ATRNL1: variants seen among roughly 807,000 people sequenced by gnomAD.
The protein encoded by ATRNL1 is attractin-like protein 1.
A neutral mutation model predicts 182.7 loss-of-function variants in ATRNL1; 95 were observed. That is an observed-to-expected ratio of 0.52 (90% CI 0.44 to 0.62). The LOEUF (loss-of-function observed/expected upper bound fraction) is 0.62. ATRNL1 is among the 20% of genes least tolerant of loss of function. The probability of loss-of-function intolerance (pLI) is 0.00; values close to 1 mark genes in which losing one functional copy is unlikely to be tolerated. For missense variants in ATRNL1, 1,471 were observed against 1,679.5 expected (o/e 0.88, Z 2.17); for synonymous variants, 576 against 568.3 (o/e 1.01, Z -0.19).
intron 5 of ATRNL1, among the ~76,000 whole-genome samples, chr10:115,134,646 A>G (rs892749354): frequency 6.6e-6 from 1 of 152,224 alleles, no homozygotes; most frequent in Non-Finnish European, 1.5e-5. Flanking sequence ...AACTATTTCA[A>G]TCAATAGAAA....
At chr10:115,230,674 G>T (rs1348707972) in intron 9 of ATRNL1, among the ~76,000 whole-genome samples, 1 of 152,096 alleles carries the variant, frequency 6.6e-6, no homozygotes, top group Non-Finnish European at 1.5e-5. Context: ...TACAGGAGCG[G>T]TGTTGTAATT....
chr10:115,939,971 C>T (rs1338264715), intron 28 of ATRNL1, among the ~76,000 whole-genome samples: 5 of 152,148 alleles, frequency 3.3e-5, no homozygotes, highest in African/African-American at 1.2e-4. Flanking sequence ...GAAAAGATCG[C>T]AAACGACCTT....
At chr10:115,292,789 A>AT (rs1852981423) in intron 15 of ATRNL1, among the ~76,000 whole-genome samples, 2 of 152,130 alleles carry the variant, frequency 1.3e-5, no homozygotes. Context: ...ATATATGGTC[A>AT]TTCCTGGAGA....
chr10:115,484,857 T>G (rs1848944360), intron 24 of ATRNL1, among the ~76,000 whole-genome samples: 2 of 151,920 alleles, frequency 1.3e-5, no homozygotes, highest in Admixed American at 6.6e-5. Flanking sequence ...TGGGGGAGAC[T>G]AAGAAGAAAT....
intron 20 of ATRNL1, among the ~76,000 whole-genome samples, chr10:115,407,612 T>C (rs150309684): frequency 2.2e-3 from 335 of 152,338 alleles, no homozygotes; most frequent in Non-Finnish European, 3.7e-3. Flanking sequence ...ATATCCTACA[T>C]TTCCTTTATT....
At position 115,364,428 on chromosome 10, in the gene ATRNL1, A is replaced by G. The variant is rs1441579990; in HGVS notation, c.3175+30009A>G. 5.2e-4 allele frequency among the ~76,000 whole-genome samples: 76 copies of G among 147,164 alleles called. 1 individual carries two copies. The highest frequency in any genetic ancestry group is 1.6e-3 in the African/African-American group (62 of 39,092). ...CTTAAGGAGATTTTGGGCTGAGACA[A>G]TGGGGTTTTCTAGATATACAATCAT... On this transcript the variant is annotated intron_variant, in intron 19 of 28. Coordinates refer to ENST00000355044, the MANE Select transcript of ATRNL1 (RefSeq NM_207303.4).
intron 8 of ATRNL1, among the ~76,000 whole-genome samples, chr10:115,188,495 A>G (rs1189908742): frequency 6.6e-6 from 1 of 152,110 alleles, no homozygotes; most frequent in African/African-American, 2.4e-5. Flanking sequence ...TAGTTTAGCA[A>G]TACCTCATAA....
chr10:115,159,993 G>A (rs2143994915), intron 5 of ATRNL1, 47 bp from the exon 6 acceptor site: 1 of 1,383,460 alleles, frequency 7.2e-7, no homozygotes, highest in East Asian at 2.4e-5. Context: ...TCTATAATCT[G>A]AGGGCTTTGT....
chr10:115,119,948 G>A lies in ATRNL1; in HGVS notation c.294-237G>A, dbSNP rs566739985. On this transcript the variant is annotated intron_variant, in intron 1 of 28. Transcript: ENST00000355044. ...GTCTTTCAGTGTCTTTTTTCGCTTC[G>A]TAAATTGAAATGGTCATGATATATT... Among the ~76,000 whole-genome samples, 137 of 151,950 alleles carry A rather than the reference G, an allele frequency of 9.0e-4. No individual in the cohort carries two copies. Among genetic ancestry groups the A allele is most frequent in the Non-Finnish European group, 1.4e-3 (96 of 67,894 alleles).
At chr10:115,325,192 T>G (rs1282323753) in intron 18 of ATRNL1, among the ~76,000 whole-genome samples, 2 of 152,126 alleles carry the variant, frequency 1.3e-5, no homozygotes, top group Non-Finnish European at 2.9e-5. Context: ...CCATCTGGAG[T>G]GGTTTTAAAA....
rs2134241904 is a variant in ATRNL1 at position 115,804,263 on chromosome 10, TC to T, written c.3904-43610del. ...CTTGATTATCTATTTGACTAACATC[TC>T]CCCAGGACACACAAAATACTTGAAT... is the stretch of plus-strand genomic sequence containing the variant. On this transcript the variant is annotated intron_variant, in intron 27 of 28. Transcript: ENST00000355044. Among the ~76,000 whole-genome samples the T allele has an allele frequency of 2.0e-5, 3 of 152,276 alleles. No individual in the cohort carries two copies. The South Asian group carries it at 6.2e-4, about 32-fold the overall frequency.
At chr10:115,454,025 G>A (rs1847406732) in intron 21 of ATRNL1, among the ~76,000 whole-genome samples, 1 of 151,978 alleles carries the variant, frequency 6.6e-6, no homozygotes, top group Admixed American at 6.6e-5. Context: ...CCTTATAAGA[G>A]TTTGATGGTT....
At chr10:115,095,565 G>A (rs78509774) in intron 1 of ATRNL1, among the ~76,000 whole-genome samples, 1 of 151,894 alleles carries the variant, frequency 6.6e-6, no homozygotes, top group Non-Finnish European at 1.5e-5. Context: ...TTTTTCTAGG[G>A]TTTATACTTT....
chr10:115,555,641 C>T (rs1210929996), intron 26 of ATRNL1, among the ~76,000 whole-genome samples: 1 of 151,800 alleles, frequency 6.6e-6, no homozygotes, highest in African/African-American at 2.4e-5. Flanking sequence ...AAAATCCCAG[C>T]CCTCAAAAAT....
At chr10:115,473,026 T>G (rs1554972415) in intron 24 of ATRNL1, among the ~76,000 whole-genome samples, 2 of 151,282 alleles carry the variant, frequency 1.3e-5, no homozygotes, top group African/African-American at 4.8e-5. Flanking sequence ...TTAAACCTAA[T>G]TTGTTGGAAG....
At chr10:115,618,498 T>C (rs960744286) in intron 26 of ATRNL1, among the ~76,000 whole-genome samples, 17 of 152,120 alleles carry the variant, frequency 1.1e-4, no homozygotes, top group Admixed American at 3.3e-4. Context: ...ATATGTCACA[T>C]TGGCCTTTTT....
intron 20 of ATRNL1, among the ~76,000 whole-genome samples, chr10:115,399,090 T>C (rs1844427792): frequency 6.6e-6 from 1 of 152,168 alleles, no homozygotes; most frequent in Admixed American, 6.6e-5. Flanking sequence ...TTTGATATGC[T>C]GCTGAATTGT....
intron 28 of ATRNL1, among the ~76,000 whole-genome samples, chr10:115,930,293 T>A (rs1555121273): frequency 2.0e-5 from 3 of 152,178 alleles, no homozygotes; most frequent in Non-Finnish European, 1.5e-5. Flanking sequence ...TTCTGTCATG[T>A]TTGATTGCAC....
intron 8 of ATRNL1, among the ~76,000 whole-genome samples, chr10:115,204,434 G>A (rs1354300375): frequency 6.6e-6 from 1 of 151,996 alleles, no homozygotes; most frequent in Non-Finnish European, 1.5e-5. Context: ...GTCATATATG[G>A]CTTTTATTAT....
Sources: allele counts gnomAD v4.1 joint callset (sites outside exome capture counted in the v4.1 genomes callset), GRCh38; gene constraint gnomAD v4.1.1; transcripts MANE v1.5; gene names NCBI Gene and HGNC (gene_info 2026-07-23, HGNC 2026-07-21).